PKP4: variants seen among roughly 807,000 people sequenced by gnomAD.
PKP4 encodes the protein plakophilin 4, also known as plakophilin-4.
A neutral mutation model predicts 145.1 loss-of-function variants in PKP4; 90 were observed. The ratio of observed to expected loss-of-function variants is 0.62; its 90% CI spans 0.52 to 0.74. PKP4 has a LOEUF of 0.74. Among genes scored for constraint, PKP4 ranks in the 30% least tolerant of loss-of-function variants. The probability of loss-of-function intolerance (pLI) is 0.00; values close to 1 mark genes in which losing one functional copy is unlikely to be tolerated. For synonymous variants in PKP4, 563 were observed against 577.2 expected, an observed-to-expected ratio of 0.98 and a Z score of 0.35; for missense variants, 1,340 against 1,482.7, an observed-to-expected ratio of 0.90 and a Z score of 1.58.
chr2:158,628,194 T>C (rs2053003597), intron 7 of PKP4, among the ~76,000 whole-genome samples: 1 of 152,020 alleles, frequency 6.6e-6, no homozygotes, highest in African/African-American at 2.4e-5. Flanking sequence ...TTGGCCAGGA[T>C]GTTCTCGATC....
chr2:158,627,310 A>G (rs1257570981), intron 7 of PKP4, among the ~76,000 whole-genome samples: 1 of 152,288 alleles, frequency 6.6e-6, no homozygotes, highest in East Asian at 1.9e-4. Context: ...TCTGCTTGTA[A>G]GAGAGTAGAG....
chr2:158,485,325 C>T (rs11689197), intron 1 of PKP4, among the ~76,000 whole-genome samples: 29,736 of 152,122 alleles, frequency 0.2, 3,783 homozygotes, highest in Middle Eastern at 0.34. Flanking sequence ...GTTTTACAGA[C>T]GAAAACACGG....
At chr2:158,577,242 T>C in intron 2 of PKP4, 29 bp from the exon 3 acceptor site, 4 of 1,471,270 alleles carry the variant, frequency 2.7e-6, no homozygotes, top group Middle Eastern at 1.9e-4. Flanking sequence ...CTTGGCGCCT[T>C]ATATGCCTTT....
chr2:158,542,943 A>G (rs541176065), intron 2 of PKP4, among the ~76,000 whole-genome samples: 16 of 152,318 alleles, frequency 1.1e-4, no homozygotes, highest in African/African-American at 3.8e-4. Flanking sequence ...ATTATTGAGT[A>G]CTTACTATGT....
At chr2:158,634,947 ACCTTGT>A (rs930720278) in intron 9 of PKP4, among the ~76,000 whole-genome samples, 6 of 152,224 alleles carry the variant, frequency 3.9e-5, no homozygotes, top group African/African-American at 1.4e-4. Flanking sequence ...TGAAAAACTG[ACCTTGT>A]CCTTAAAGCC....
chr2:158,666,299 A>C (rs1032678945), intron 15 of PKP4, 114 bp from the exon 16 acceptor site: 4 of 957,306 alleles, frequency 4.2e-6, no homozygotes, highest in Non-Finnish European at 5.8e-6. Flanking sequence ...TTCAATTGGA[A>C]AGAAACCATT....
intron 1 of PKP4, among the ~76,000 whole-genome samples, chr2:158,465,919 A>T (rs1322403778): frequency 6.6e-6 from 1 of 152,230 alleles, no homozygotes; most frequent in Non-Finnish European, 1.5e-5. Context: ...CAGACTGTCA[A>T]CAGATGAAAA....
chr2:158,495,663 GA>G (rs1490539841), intron 1 of PKP4, among the ~76,000 whole-genome samples: 1 of 151,632 alleles, frequency 6.6e-6, no homozygotes, highest in African/African-American at 2.4e-5. Flanking sequence ...GTGAAACCTC[GA>G]CTCTACTGAA....
At chr2:158,635,422 C>T (rs1198034965) in intron 9 of PKP4, among the ~76,000 whole-genome samples, 1 of 152,150 alleles carries the variant, frequency 6.6e-6, no homozygotes, top group African/African-American at 2.4e-5. Flanking sequence ...CAGAGATACT[C>T]TTACTGATTT....
chr2:158,498,721 C>G (rs1559227521), intron 1 of PKP4, among the ~76,000 whole-genome samples: 1 of 152,014 alleles, frequency 6.6e-6, no homozygotes, highest in Non-Finnish European at 1.5e-5. Context: ...GTTCTAGAAC[C>G]TTGACTCCTC....
chr2:158,564,384 A>G (rs1321336956), intron 2 of PKP4, among the ~76,000 whole-genome samples: 4 of 152,246 alleles, frequency 2.6e-5, no homozygotes, highest in South Asian at 2.1e-4. Context: ...AGTATGCTGT[A>G]GAATGGAGAT....
intron 4 of PKP4, among the ~76,000 whole-genome samples, chr2:158,605,825 C>T (rs1041560636): frequency 6.6e-6 from 1 of 152,180 alleles, no homozygotes. Flanking sequence ...TAGGCAACCA[C>T]TAATCTATTG....
At chr2:158,586,221 C>T (rs1379499941) in intron 3 of PKP4, among the ~76,000 whole-genome samples, 1 of 152,032 alleles carries the variant, frequency 6.6e-6, no homozygotes. Context: ...AATAGTGCTG[C>T]TGAGTATTGT....
At chr2:158,476,604 T>A (rs1171070404) in intron 1 of PKP4, among the ~76,000 whole-genome samples, 1 of 152,160 alleles carries the variant, frequency 6.6e-6, no homozygotes, top group African/African-American at 2.4e-5. Context: ...GTGTTGAGAT[T>A]ATAGGTGTGA....
rs537072188 is a variant in PKP4 at position 158,588,364 on chromosome 2, A to G, written c.245+10981A>G. On this transcript the variant is annotated intron_variant, in intron 3 of 21. Coordinates refer to ENST00000389759, the MANE Select transcript of PKP4 (RefSeq NM_003628.6). Reference sequence around the variant, plus strand: ...TCTTTCTGCCAATATTTAATATTGAACAGGCTCTTTAATTTTTGCCAAACT... The same window carrying G: ...TCTTTCTGCCAATATTTAATATTGAGCAGGCTCTTTAATTTTTGCCAAACT... 7 of 152,258 alleles carry G rather than the reference A, an allele frequency of 4.6e-5. No individual in the cohort carries two copies. In the South Asian group the frequency reaches 1.2e-3, roughly 27 times the overall value. The allele number at this position is 152,258 out of a possible 1,614,324, so 9.4% of individuals were successfully genotyped here. A position where few individuals can be genotyped will look rare whatever the true frequency, so the allele number is the denominator to read the frequency against.
chr2:158,664,865 C>T (rs1037955785), intron 15 of PKP4, among the ~76,000 whole-genome samples: 1 of 152,206 alleles, frequency 6.6e-6, no homozygotes, highest in Non-Finnish European at 1.5e-5. Flanking sequence ...ATACTCCCAG[C>T]ACATAAGTAT....
intron 6 of PKP4, among the ~76,000 whole-genome samples, chr2:158,623,836 C>T (rs1288627073): frequency 6.6e-6 from 1 of 152,224 alleles, no homozygotes; most frequent in Non-Finnish European, 1.5e-5. Context: ...TCCTAGTCTT[C>T]TAACCTGGAT....
chr2:158,630,121 T>G (rs920709565), intron 7 of PKP4, among the ~76,000 whole-genome samples: 5 of 152,258 alleles, frequency 3.3e-5, no homozygotes, highest in African/African-American at 1.2e-4. Context: ...GATATGTTTG[T>G]CCTTTCTCTT....
At chr2:158,644,026 A>G (rs574043793) in intron 11 of PKP4, among the ~76,000 whole-genome samples, 2 of 152,230 alleles carry the variant, frequency 1.3e-5, no homozygotes, top group African/African-American at 4.8e-5. Context: ...TCAGCCTCTC[A>G]AAGTGCTGAG....
Sources: allele counts gnomAD v4.1 joint callset (sites outside exome capture counted in the v4.1 genomes callset), GRCh38; gene constraint gnomAD v4.1.1; transcripts MANE v1.5; gene names NCBI Gene and HGNC (gene_info 2026-07-23, HGNC 2026-07-21).